Variants in IBTK observed in about 807,000 individuals in gnomAD.
IBTK encodes inhibitor of Bruton tyrosine kinase, also known as BTK-binding protein.
IBTK carries 83 observed loss-of-function variants against 154.9 expected under a neutral mutation model. That is an observed-to-expected ratio of 0.54 (90% CI 0.45 to 0.64). The LOEUF (loss-of-function observed/expected upper bound fraction) is 0.64. IBTK is among the 30% of genes least tolerant of loss of function. The pLI, the probability that IBTK is intolerant of heterozygous loss-of-function variation, is 0.00. For missense variants in IBTK, 1,332 were observed against 1,584.6 expected (o/e 0.84, Z 2.71); for synonymous variants, 515 against 536.1 (o/e 0.96, Z 0.54).
intron 16 of IBTK, among the ~76,000 whole-genome samples, chr6:82,209,161 T>G (rs1769530991): frequency 6.6e-6 from 1 of 152,198 alleles, no homozygotes; most frequent in Non-Finnish European, 1.5e-5. Context: ...AGCTAGCCAC[T>G]GTGCAGTTCG....
chr6:82,187,025 C>T (rs1404298459), intron 25 of IBTK, among the ~76,000 whole-genome samples: 1 of 150,132 alleles, frequency 6.7e-6, no homozygotes, highest in African/African-American at 2.5e-5. Flanking sequence ...AAGTGATTCT[C>T]CTGCCTCAGC....
At chr6:82,221,115 C>T (rs1770085272) in intron 8 of IBTK, among the ~76,000 whole-genome samples, 1 of 152,044 alleles carries the variant, frequency 6.6e-6, no homozygotes, top group African/African-American at 2.4e-5. Flanking sequence ...TCATTTGAGG[C>T]CAGAAGTTCG....
chr6:82,195,287 C>T (rs577289588), intron 22 of IBTK, among the ~76,000 whole-genome samples: 1 of 152,042 alleles, frequency 6.6e-6, no homozygotes, highest in African/African-American at 2.4e-5. Flanking sequence ...TAAAAAAAAT[C>T]AATCCTGGCG....
intron 2 of IBTK, among the ~76,000 whole-genome samples, chr6:82,236,508 C>T (rs1366545695): frequency 6.6e-6 from 1 of 152,176 alleles, no homozygotes; most frequent in African/African-American, 2.4e-5. Context: ...CAAGCATAAA[C>T]AGTCTTTACC....
In IBTK at chr6:82,202,514, T is replaced by C; in HGVS notation, c.2729+14A>G. 2 of 1,333,848 alleles carry C rather than the reference T, an allele frequency of 1.5e-6. No individual in the cohort carries two copies. Among genetic ancestry groups the C allele is most frequent in the South Asian group, 1.2e-5 (1 of 83,928 alleles). The allele number at this position is 1,333,848 out of a possible 1,614,324, so 82.6% of individuals were successfully genotyped here. A position where few individuals can be genotyped will look rare whatever the true frequency, so the allele number is the denominator to read the frequency against. ...CCTTTTGCAACAATCTTACAACATA[T>C]GCACCTCACCTACCTTGCTTCAAGT... On this transcript the variant is annotated intron_variant, in intron 18 of 28. Coordinates refer to ENST00000306270, the MANE Select transcript of IBTK (RefSeq NM_015525.4).
chr6:82,205,394 G>A (rs1199994921), intron 16 of IBTK: 1 of 152,456 alleles, frequency 6.6e-6, no homozygotes, highest in African/African-American at 2.4e-5. Context: ...GGGAAATAAT[G>A]CTCTTATGCT....
intron 11 of IBTK, among the ~76,000 whole-genome samples, chr6:82,215,794 A>AAG (rs1315921834): frequency 6.6e-6 from 1 of 151,720 alleles, no homozygotes; most frequent in East Asian, 1.9e-4. Context: ...AAAAAAAAAA[A>AAG]AAAAAAGAAA....
Position 82,223,537 on chromosome 6 carries a change from A to G in IBTK, c.1027T>C (p.Ser343Pro). 1.2e-6 allele frequency: 2 copies of G among 1,614,142 alleles called. No homozygotes were observed. The highest frequency in any genetic ancestry group is 1.7e-6 in the Non-Finnish European group (2 of 1,179,958). The change falls in exon 8 of 29, where the codon TCT becomes CCT. Residue 343 changes from serine (S) to proline (P), a missense_variant. Physicochemically the swap from Ser to Pro is moderately conservative, Grantham distance 74. Coordinates refer to ENST00000306270, the MANE Select transcript of IBTK (RefSeq NM_015525.4). ...GCTCCATCACTTGCAGCAACCAAAGACAGAGCAATGTCTTTATGGTGAAGG... is the reference window on the plus strand; with the variant it reads ...GCTCCATCACTTGCAGCAACCAAAGGCAGAGCAATGTCTTTATGGTGAAGG... ...SALHHKDIAL[S>P]LVAASDGATV...
intron 18 of IBTK, 101 bp from the exon 19 acceptor site, chr6:82,201,583 A>G: frequency 4.0e-6 from 3 of 754,808 alleles, no homozygotes; most frequent in Middle Eastern, 2.9e-4. Context: ...GATAAGTAAC[A>G]AAGTTATTTT....
At position 82,224,189 on chromosome 6, in the gene IBTK, T is replaced by C. The variant is rs1770209816; in HGVS notation, c.826-4A>G. On this transcript the variant is annotated splice_polypyrimidine_tract_variant and splice_region_variant and intron_variant, in intron 6 of 28. Transcript: ENST00000306270. Reference sequence around the variant, plus strand: ...CTTTCAGATATTTTGCCTGTATCTATTTAAAGACAAATAAAACTGCAATTT... The same window carrying C: ...CTTTCAGATATTTTGCCTGTATCTACTTAAAGACAAATAAAACTGCAATTT... 1.9e-6 allele frequency: 3 copies of C among 1,603,284 alleles called. No homozygotes were observed. Among genetic ancestry groups the C allele is most frequent in the Non-Finnish European group, 2.6e-6 (3 of 1,170,494 alleles).
Position 82,171,333 on chromosome 6 carries a change from A to C in IBTK, c.*92T>G. On this transcript the variant is annotated 3_prime_UTR_variant, in exon 29 of 29. Coordinates refer to ENST00000306270, the MANE Select transcript of IBTK (RefSeq NM_015525.4). ...ATCTTTTCTTAATCTATTTAGAATG[A>C]TATTACAAAATCTCTAAGACTCTTT... The C allele has an allele frequency of 1.0e-6, 1 of 975,570 alleles. No homozygotes were observed. The highest frequency in any genetic ancestry group is 1.5e-6 in the Non-Finnish European group (1 of 651,368). The allele number at this position is 975,570 out of a possible 1,614,324, so 60.4% of individuals were successfully genotyped here.
intron 26 of IBTK, among the ~76,000 whole-genome samples, chr6:82,178,899 C>G (rs776758634): frequency 6.6e-6 from 1 of 152,192 alleles, no homozygotes; most frequent in Non-Finnish European, 1.5e-5. Context: ...GACTAGAATA[C>G]AGAGATCAGG....
chr6:82,209,813 G>A (rs928562445), intron 16 of IBTK, among the ~76,000 whole-genome samples: 4 of 152,074 alleles, frequency 2.6e-5, no homozygotes, highest in Admixed American at 2.6e-4. Context: ...CAGAAATTTT[G>A]TCCTCAGTTA....
chr6:82,236,291 T>TTA (rs1436513385), intron 2 of IBTK, among the ~76,000 whole-genome samples: 4 of 152,314 alleles, frequency 2.6e-5, no homozygotes, highest in Non-Finnish European at 4.4e-5. Context: ...AGCACCTGGA[T>TTA]TACTGCCTGG....
Position 82,240,541 on chromosome 6 carries a change from T to C in IBTK, c.-55A>G, listed in dbSNP as rs972574589. 3 of 1,479,236 alleles carry C rather than the reference T, an allele frequency of 2.0e-6. No homozygotes were observed. The African/African-American group carries it at 4.2e-5, about 21-fold the overall frequency. The allele number at this position is 1,479,236 out of a possible 1,614,324, so 91.6% of individuals were successfully genotyped here. A position where few individuals can be genotyped will look rare whatever the true frequency, so the allele number is the denominator to read the frequency against. On this transcript the variant is annotated 5_prime_UTR_variant, in exon 2 of 29. Coordinates refer to ENST00000306270, the MANE Select transcript of IBTK (RefSeq NM_015525.4). Reference sequence around the variant, plus strand: ...AATCGTGAAAACTAATTTTAAAAAATGAAAAAGCCAGGACACAAAGGTGCT... The same window carrying C: ...AATCGTGAAAACTAATTTTAAAAAACGAAAAAGCCAGGACACAAAGGTGCT...
chr6:82,197,663 G>T lies in IBTK; in HGVS notation c.3026-1217C>A, dbSNP rs943510991. Among the ~76,000 whole-genome samples the T allele has an allele frequency of 2.0e-5, 3 of 152,264 alleles. No homozygotes were observed. In the East Asian group the frequency reaches 5.8e-4, roughly 29 times the overall value. On this transcript the variant is annotated intron_variant, in intron 21 of 28. Coordinates refer to ENST00000306270, the MANE Select transcript of IBTK (RefSeq NM_015525.4). ...TGGGATTACAGGCAGGAGCCACTGC[G>T]TCTTGCCTCTTTTTGAATATTTTTA...
At chr6:82,187,974 C>T (rs1003799090) in intron 25 of IBTK, among the ~76,000 whole-genome samples, 3 of 152,026 alleles carry the variant, frequency 2.0e-5, no homozygotes, top group East Asian at 1.9e-4. Flanking sequence ...CACTGAGATA[C>T]GCTTCCAGAA....
At chr6:82,220,747 T>C in intron 8 of IBTK, 34 bp from the exon 9 acceptor site, 1 of 1,503,920 alleles carries the variant, frequency 6.6e-7, no homozygotes, top group Non-Finnish European at 8.9e-7. Context: ...TAGATTAATA[T>C]GTTCTCTAAA....
chr6:82,211,557 G>T lies in IBTK; in HGVS notation c.2307C>A (p.Asp769Glu). 1 of 1,612,962 alleles carries T rather than the reference G, an allele frequency of 6.2e-7. No individual in the cohort carries two copies. The highest frequency in any genetic ancestry group is 1.7e-5 in the Admixed American group (1 of 60,012). Residue 769 changes from aspartate (D) to glutamate (E), a missense_variant, in exon 14 of 29, where the codon GAC becomes GAA. Asp to Glu is a conservative substitution (Grantham distance 45). Around this residue, in one of 3 missense-constraint regions of IBTK, gnomAD observed 1,134 missense variants for 1,274.7 expected, o/e 0.89. Transcript: ENST00000306270. Reference protein sequence around the residue: ...LSQKKCSFLCDVTMKSVDGKE... With the variant: ...LSQKKCSFLCEVTMKSVDGKE... ...TTCCATCCACTGATTTCATGGTCAC[G>T]TCACACAGAAATGAACTGCAAGAAA...
Sources: gnomAD v4.1 joint callset for allele counts (sites outside exome capture counted in the v4.1 genomes callset) on GRCh38, gnomAD v4.1.1 for gene constraint, gnomAD v4.1.1 regional missense constraint, MANE v1.5 for transcripts, NCBI Gene and HGNC (gene_info 2026-07-23, HGNC 2026-07-21) for gene names.